IARS1: variants seen among roughly 807,000 people sequenced by gnomAD.
IARS1 encodes isoleucyl-tRNA synthetase 1.
IARS1 carries 124 observed loss-of-function variants against 168.2 expected under a neutral mutation model. The ratio of observed to expected loss-of-function variants is 0.74; its 90% CI spans 0.64 to 0.86. The LOEUF (loss-of-function observed/expected upper bound fraction) is 0.86, where lower values mean the gene tolerates loss of function less well. IARS1 is among the 40% of genes least tolerant of loss of function. IARS1 has a pLI of 0.00. For synonymous variants in IARS1, 532 were observed against 529.4 expected (o/e 1.00, Z -0.07); for missense variants, 1,452 against 1,515.8 (o/e 0.96, Z 0.70).
At chr9:92,227,104 G>GCACATGTTTC (rs1221808595) in intron 31 of IARS1, among the ~76,000 whole-genome samples, 9 of 137,378 alleles carry the variant, frequency 6.6e-5, no homozygotes, top group Non-Finnish European at 1.2e-4. Context: ...ACATGTTTCA[G>GCACATGTTTC]AGAGCACAGG....
intron 11 of IARS1, 80 bp from the exon 12 acceptor site, chr9:92,271,156 T>C: frequency 1.3e-6 from 1 of 786,826 alleles, no homozygotes; most frequent in Non-Finnish European, 2.0e-6. Flanking sequence ...TCTGATACCT[T>C]GTTATGAATA....
chr9:92,268,283 C>T lies in IARS1; in HGVS notation c.1322G>A (p.Arg441Gln), dbSNP rs201564889. ...CAGCCAATTTCCAAATCGTTTTTCT[C>T]GTACCAACTCTGGGACCCTGCAATA... ...DLCYWVPELV[R>Q]EKRFGNWLKD... Residue 441 changes from arginine to glutamine, a missense_variant, in exon 14 of 34, where the codon CGA becomes CAA. Physicochemically the swap from Arg to Gln is conservative, Grantham distance 43. Coordinates refer to ENST00000443024, the MANE Select transcript of IARS1 (RefSeq NM_002161.6). 53 of 1,610,468 alleles carry T rather than the reference C, an allele frequency of 3.3e-5. No homozygotes were observed. The highest frequency in any genetic ancestry group is 2.0e-4 in the African/African-American group (15 of 74,798).
intron 20 of IARS1, among the ~76,000 whole-genome samples, 171 bp from the exon 21 acceptor site, chr9:92,253,624 G>A (rs546396341): frequency 1.6e-4 from 24 of 152,304 alleles, no homozygotes; most frequent in Middle Eastern, 3.4e-3. Flanking sequence ...TGTTGAGGAT[G>A]TGCTACATGG....
intron 30 of IARS1, chr9:92,240,507 G>C: frequency 1.7e-6 from 1 of 591,920 alleles, no homozygotes; most frequent in Non-Finnish European, 3.0e-6. Flanking sequence ...TAATCCACCA[G>C]CCTCCGCCTT....
At chr9:92,210,928 T>C in intron 33 of IARS1, 39 bp from the exon 34 acceptor site, 1 of 1,304,750 alleles carries the variant, frequency 7.7e-7, no homozygotes, top group Admixed American at 1.7e-5. Context: ...AATCAGTATT[T>C]TACCTATTGG....
Position 92,244,822 on chromosome 9 carries a change from C to G in IARS1, c.2904+137G>C. ...ATAATAATATATTAGTTTAATAAAG[C>G]CAATCTAAACCAAGTAACTGGTTTA... is the stretch of plus-strand genomic sequence containing the variant. On this transcript the variant is annotated intron_variant, in intron 27 of 33. Transcript: ENST00000443024. The G allele has an allele frequency of 6.4e-6, 4 of 627,326 alleles. No individual in the cohort carries two copies. The South Asian group carries it at 8.0e-5, about 12-fold the overall frequency. The allele number at this position is 627,326 out of a possible 1,614,324, so 38.9% of individuals were successfully genotyped here.
chr9:92,261,579 A>C (rs183942195), intron 17 of IARS1, among the ~76,000 whole-genome samples: 1 of 152,244 alleles, frequency 6.6e-6, no homozygotes, highest in Non-Finnish European at 1.5e-5. Flanking sequence ...AAATAAGTAT[A>C]TGTAAAACTA....
intron 33 of IARS1, among the ~76,000 whole-genome samples, chr9:92,214,614 G>A (rs1439289580): frequency 6.6e-6 from 1 of 152,246 alleles, no homozygotes; most frequent in African/African-American, 2.4e-5. Flanking sequence ...CTTGGGAAGT[G>A]CAAGGGGTCA....
chr9:92,212,903 A>AAAATCAAG (rs1837999792), intron 33 of IARS1, among the ~76,000 whole-genome samples: 1 of 152,128 alleles, frequency 6.6e-6, no homozygotes, highest in African/African-American at 2.4e-5. Flanking sequence ...GCAAGGGAAC[A>AAAATCAAG]AAATCAAGGC....
At position 92,210,862 on chromosome 9, in the gene IARS1, G is replaced by A. The variant is rs760757224; in HGVS notation, c.3734C>T (p.Thr1245Ile). 3 of 1,609,426 alleles carry A rather than the reference G, an allele frequency of 1.9e-6. No individual in the cohort carries two copies. Among genetic ancestry groups the A allele is most frequent in the Non-Finnish European group, 2.6e-6 (3 of 1,175,748 alleles). The stretch of plus-strand genomic sequence containing the variant: ...AACATACACAGTCTTCATATTCAAA[G>A]TCTTCACGGGGATGTCTTCTGTAAT... ...QEITEDIPVK[T>I]LNMKTVYVSV... Residue 1245 changes from threonine (T) to isoleucine (I), a missense_variant, in exon 34 of 34, where the codon ACT becomes ATT. Transcript: ENST00000443024.
rs1828528792 is a variant in IARS1, at chr9:92,242,201, A to G, written c.3130T>C (p.Tyr1044His). 2 of 1,614,138 alleles carry G rather than the reference A, an allele frequency of 1.2e-6. No homozygotes were observed. The highest frequency in any genetic ancestry group is 1.7e-6 in the Non-Finnish European group (2 of 1,179,968). ...FTTIKAPLKPYPVSPSDKVLI... is the reference protein window; with the variant it reads ...FTTIKAPLKPHPVSPSDKVLI... Reference sequence around the variant, plus strand: ...ACTTTATCCGATGGAGAAACTGGATATGGTTTCAAGGGAGCCTTTATGGTG... The same window carrying G: ...ACTTTATCCGATGGAGAAACTGGATGTGGTTTCAAGGGAGCCTTTATGGTG... The change falls in exon 29 of 34, where the codon TAT becomes CAT. Residue 1044 changes from tyrosine to histidine, a missense_variant. Coordinates refer to ENST00000443024, the MANE Select transcript of IARS1 (RefSeq NM_002161.6).
chr9:92,245,197 C>T (rs762855662), intron 26 of IARS1, 126 bp from the exon 27 acceptor site: 42 of 719,134 alleles, frequency 5.8e-5, no homozygotes, highest in Middle Eastern at 2.4e-4. Context: ...TTCAAGAGAT[C>T]ATTTCCCTCT....
intron 9 of IARS1, 102 bp from the exon 10 acceptor site, chr9:92,274,623 G>T: frequency 1.4e-6 from 1 of 706,906 alleles, no homozygotes. Context: ...CTTTTAACCG[G>T]TAAAATTATT....
chr9:92,223,232 C>T, intron 32 of IARS1, 114 bp downstream of exon 32: 1 of 945,658 alleles, frequency 1.1e-6, no homozygotes, highest in Non-Finnish European at 1.5e-6. Context: ...GCGTGAGAGC[C>T]CACACTTTAA....
intron 18 of IARS1, among the ~76,000 whole-genome samples, chr9:92,259,559 G>A (rs542523794): frequency 1.3e-5 from 2 of 152,306 alleles, no homozygotes; most frequent in South Asian, 4.1e-4. Flanking sequence ...CCCCACTAAT[G>A]GCTCCTGGTC....
At chr9:92,235,513 ATTTT>A (rs558342421) in intron 30 of IARS1, among the ~76,000 whole-genome samples, 20 of 114,200 alleles carry the variant, frequency 1.8e-4, no homozygotes, top group Non-Finnish European at 2.3e-4. Context: ...AATTACATTG[ATTTT>A]TTTTTTTTTT....
At chr9:92,265,431 T>TA in intron 15 of IARS1, 49 bp downstream of exon 15, 1 of 1,507,472 alleles carries the variant, frequency 6.6e-7, no homozygotes, top group Non-Finnish European at 9.2e-7. Context: ...GACCAGGTCT[T>TA]AATAGGAGAA....
rs775739106 is a variant in IARS1, at chr9:92,274,457, CCT to C, written c.957_958del (p.Val321CysfsTer10). 2 of 1,613,928 alleles carry C rather than the reference CCT, an allele frequency of 1.2e-6. No individual in the cohort carries two copies. The highest frequency in any genetic ancestry group is 1.7e-6 in the Non-Finnish European group (2 of 1,179,844). Reference sequence around the variant, plus strand: ...GAAGTAAGGAGCTTGGTGGACAACCCCTGTGCCTTCTTCTTCCTTCACATAGT... The same window carrying C: ...GAAGTAAGGAGCTTGGTGGACAACCCGTGCCTTCTTCTTCCTTCACATAGT... On this transcript the variant is annotated frameshift_variant, in exon 10 of 34. Coordinates refer to ENST00000443024, the MANE Select transcript of IARS1 (RefSeq NM_002161.6). LOFTEE classifies it high-confidence loss of function.
At chr9:92,293,344 A>C (rs1836691689) in intron 1 of IARS1, 1 of 340,768 alleles carries the variant, frequency 2.9e-6, no homozygotes. Flanking sequence ...AAATTAAGAC[A>C]TATAAAAATA....
Sources: allele counts gnomAD v4.1 joint callset (sites outside exome capture counted in the v4.1 genomes callset), GRCh38; gene constraint gnomAD v4.1.1; transcripts MANE v1.5; gene names NCBI Gene and HGNC (gene_info 2026-07-23, HGNC 2026-07-21).